Variants in KCNIP4 observed in about 807,000 individuals in gnomAD.
KCNIP4 encodes the protein potassium voltage-gated channel interacting protein 4, also known as Kv channel-interacting protein 4.
In KCNIP4, 12 loss-of-function variants were observed where a neutral mutation model predicts 34.0. The observed-to-expected ratio is 0.35, with a 90% confidence interval of 0.23 to 0.57. The LOEUF (loss-of-function observed/expected upper bound fraction) is 0.57. Among genes scored for constraint, KCNIP4 ranks in the 20% least tolerant of loss-of-function variants. The pLI, the probability that KCNIP4 is intolerant of heterozygous loss-of-function variation, is 0.83. For missense variants in KCNIP4, 238 were observed against 311.7 expected (o/e 0.76, Z 1.78); for synonymous variants, 124 against 102.2 (o/e 1.21, Z -1.29).
chr4:21,101,059 C>T (rs1463966030), intron 1 of KCNIP4, among the ~76,000 whole-genome samples: 1 of 152,140 alleles, frequency 6.6e-6, no homozygotes, highest in African/African-American at 2.4e-5. Context: ...AAACCCATTA[C>T]CTAGACAGTG....
At chr4:20,750,798 A>C (rs550069372) in intron 4 of KCNIP4, among the ~76,000 whole-genome samples, 1 of 152,334 alleles carries the variant, frequency 6.6e-6, no homozygotes, top group Admixed American at 6.5e-5. Context: ...TTTTCAAAAT[A>C]AAATGGTAAC....
intron 1 of KCNIP4, among the ~76,000 whole-genome samples, chr4:21,726,278 T>A (rs1010506075): frequency 6.6e-6 from 1 of 152,148 alleles, no homozygotes; most frequent in African/African-American, 2.4e-5. Flanking sequence ...AATGAAGCAG[T>A]TGTTCCCTCA....
chr4:21,291,785 T>C (rs1450363448), intron 1 of KCNIP4, among the ~76,000 whole-genome samples: 1 of 138,408 alleles, frequency 7.2e-6, no homozygotes, highest in East Asian at 2.1e-4. Flanking sequence ...AGCCGGGAGG[T>C]GGAGGTTGCA....
intron 1 of KCNIP4, among the ~76,000 whole-genome samples, chr4:21,407,902 G>C (rs1007279621): frequency 6.6e-6 from 1 of 152,148 alleles, no homozygotes; most frequent in Non-Finnish European, 1.5e-5. Context: ...TAGGCTATCA[G>C]GAATGCTGAA....
intron 3 of KCNIP4, among the ~76,000 whole-genome samples, chr4:20,794,383 G>T (rs182160318): frequency 3.7e-4 from 57 of 152,232 alleles, no homozygotes; most frequent in African/African-American, 1.2e-3. Context: ...CTGCTGGGTG[G>T]CCTGGTTCCC....
At chr4:21,246,933 T>C (rs1296925366) in intron 1 of KCNIP4, among the ~76,000 whole-genome samples, 1 of 152,230 alleles carries the variant, frequency 6.6e-6, no homozygotes, top group African/African-American at 2.4e-5. Flanking sequence ...AAGTAATTTT[T>C]CATTTCTTTT....
At chr4:21,553,016 T>C (rs1230322677) in intron 1 of KCNIP4, among the ~76,000 whole-genome samples, 2 of 151,576 alleles carry the variant, frequency 1.3e-5, no homozygotes, top group Admixed American at 6.6e-5. Context: ...AAACAAGCAT[T>C]AGGTGGTGGC....
intron 1 of KCNIP4, among the ~76,000 whole-genome samples, chr4:21,827,682 G>A (rs1272018287): frequency 6.6e-6 from 1 of 151,866 alleles, no homozygotes; most frequent in Non-Finnish European, 1.5e-5. Flanking sequence ...CAAAAAATAA[G>A]ATAACAAGCA....
At chr4:21,562,064 G>A (rs1739521884) in intron 1 of KCNIP4, among the ~76,000 whole-genome samples, 1 of 151,848 alleles carries the variant, frequency 6.6e-6, no homozygotes, top group South Asian at 2.1e-4. Flanking sequence ...GTCATCTACT[G>A]TGGATCTACA....
At chr4:21,572,083 C>A (rs1231104138) in intron 1 of KCNIP4, among the ~76,000 whole-genome samples, 1 of 152,036 alleles carries the variant, frequency 6.6e-6, no homozygotes, top group African/African-American at 2.4e-5. Flanking sequence ...ATTACTATAA[C>A]CAAATGCTCT....
At chr4:20,733,053 A>G (rs967805810) in intron 6 of KCNIP4, among the ~76,000 whole-genome samples, 1 of 152,194 alleles carries the variant, frequency 6.6e-6, no homozygotes, top group Non-Finnish European at 1.5e-5. Flanking sequence ...AGTCAGGAAA[A>G]GAATATGCTG....
intron 1 of KCNIP4, among the ~76,000 whole-genome samples, chr4:20,970,489 A>G (rs776032796): frequency 2.0e-5 from 3 of 152,274 alleles, no homozygotes; most frequent in African/African-American, 4.8e-5. Flanking sequence ...CCTCAACTCT[A>G]TGGTTCTCAA....
intron 1 of KCNIP4, among the ~76,000 whole-genome samples, chr4:21,686,584 T>C (rs547134176): frequency 6.6e-5 from 10 of 152,256 alleles, no homozygotes; most frequent in African/African-American, 2.4e-4. Context: ...CCATAAGATG[T>C]ATGACTTTTT....
chr4:20,837,662 CTATA>C (rs36015537), intron 3 of KCNIP4, among the ~76,000 whole-genome samples: 22 of 138,058 alleles, frequency 1.6e-4, no homozygotes, highest in South Asian at 2.3e-4. Context: ...GTTGTCAGTG[CTATA>C]TATATATATA....
rs570381052 is a variant in KCNIP4 at position 21,173,796 on chromosome 4, G to C, written c.62-291087C>G. Among the ~76,000 whole-genome samples, 5 of 152,268 alleles carry C rather than the reference G, an allele frequency of 3.3e-5. No homozygotes were observed. In the South Asian group the frequency reaches 1.0e-3, roughly 32 times the overall value. Reference sequence around the variant, plus strand: ...CAGACTTTCTTTGAATTGACAAACAGAATGGGAGAGAAAGTCACGTGCTTC... The same window carrying C: ...CAGACTTTCTTTGAATTGACAAACACAATGGGAGAGAAAGTCACGTGCTTC... On this transcript the variant is annotated intron_variant, in intron 1 of 8. Coordinates refer to ENST00000382152, the MANE Select transcript of KCNIP4 (RefSeq NM_025221.6).
chr4:20,972,646 A>C (rs1018403062), intron 1 of KCNIP4, among the ~76,000 whole-genome samples: 1 of 152,174 alleles, frequency 6.6e-6, no homozygotes, highest in African/African-American at 2.4e-5. Context: ...GATTTAGTAT[A>C]GTTTTTTTTA....
intron 1 of KCNIP4, among the ~76,000 whole-genome samples, chr4:21,288,880 T>A (rs1343762516): frequency 6.6e-6 from 1 of 152,198 alleles, no homozygotes; most frequent in Non-Finnish European, 1.5e-5. Context: ...TCCAGCTCCA[T>A]CCATATTGCT....
At chr4:20,877,924 C>A (rs1200495209) in intron 2 of KCNIP4, among the ~76,000 whole-genome samples, 1 of 151,894 alleles carries the variant, frequency 6.6e-6, no homozygotes, top group Non-Finnish European at 1.5e-5. Flanking sequence ...TGGGTAAAAC[C>A]TATCCTCCTG....
intron 1 of KCNIP4, among the ~76,000 whole-genome samples, chr4:21,390,846 G>A (rs1456519146): frequency 1.3e-5 from 2 of 152,070 alleles, no homozygotes; most frequent in African/African-American, 4.8e-5. Flanking sequence ...AAACTGCTGG[G>A]TAATACAGTA....
Sources: gnomAD v4.1 joint callset for allele counts (sites outside exome capture counted in the v4.1 genomes callset) on GRCh38, gnomAD v4.1.1 for gene constraint, MANE v1.5 for transcripts, NCBI Gene and HGNC (gene_info 2026-07-23, HGNC 2026-07-21) for gene names.